AKR1E2: variants seen among roughly 807,000 people sequenced by gnomAD.
The protein encoded by AKR1E2 is 1,5-anhydro-D-fructose reductase.
Under a neutral mutation model 41.9 loss-of-function variants are expected in AKR1E2, and 43 were observed. The ratio of observed to expected loss-of-function variants is 1.03; its 90% confidence interval spans 0.80 to 1.32. AKR1E2 has a LOEUF of 1.32. Ranked by LOEUF, AKR1E2 falls within the 40% of genes most tolerant of loss-of-function variation. The probability of loss-of-function intolerance (pLI) is 0.00; values close to 1 mark genes in which losing one functional copy is unlikely to be tolerated. For synonymous variants in AKR1E2, 121 were observed against 138.9 expected (o/e 0.87, Z 0.91); for missense variants, 423 against 396.5 (o/e 1.07, Z -0.57).
At chr10:4,858,387 C>A in the AKR1E2 span, among the ~76,000 whole-genome samples, 1 of 152,212 alleles carries the variant, frequency 6.6e-6, no homozygotes, top group Non-Finnish European at 1.5e-5. Context: ...ATTGAGCCTA[C>A]AGCAGGCTGA....
chr10:4,871,906 T>C, the AKR1E2 span: 394 of 152,232 alleles, frequency 2.6e-3, 1 homozygote, highest in African/African-American at 8.9e-3. Context: ...TTTATATTCA[T>C]CAAGAAATGG....
chr10:4,862,292 C>A, the AKR1E2 span, among the ~76,000 whole-genome samples: 1 of 152,086 alleles, frequency 6.6e-6, no homozygotes, highest in African/African-American at 2.4e-5. Flanking sequence ...TGGTCTATAT[C>A]TCTGTTTTGG....
At chr10:4,841,280 C>G (rs1564270778) in intron 6 of AKR1E2, among the ~76,000 whole-genome samples, 1 of 152,172 alleles carries the variant, frequency 6.6e-6, no homozygotes, top group Non-Finnish European at 1.5e-5. Flanking sequence ...CCCACCCGTG[C>G]CTGAGCAGAG....
At chr10:4,864,546 G>A in the AKR1E2 span, among the ~76,000 whole-genome samples, 1 of 150,494 alleles carries the variant, frequency 6.6e-6, no homozygotes, top group Admixed American at 6.6e-5. Context: ...TTTGAAAACT[G>A]GCACAAGGCA....
chr10:4,853,921 G>A, the AKR1E2 span, among the ~76,000 whole-genome samples: 3 of 152,124 alleles, frequency 2.0e-5, no homozygotes, highest in Admixed American at 6.5e-5. Context: ...TCCCACCAGC[G>A]CCATGGCAAT....
intron 1 of AKR1E2, among the ~76,000 whole-genome samples, chr10:4,827,362 T>C (rs1281752032): frequency 7.1e-6 from 1 of 141,824 alleles, no homozygotes; most frequent in African/African-American, 2.5e-5. Flanking sequence ...ACATGTGTAG[T>C]AAATTATTGT....
the AKR1E2 span, among the ~76,000 whole-genome samples, chr10:4,864,573 C>T: frequency 7.0e-6 from 1 of 143,864 alleles, no homozygotes; most frequent in Admixed American, 6.8e-5. Context: ...CCCTCTCTCA[C>T]CACTCCTATT....
chr10:4,850,971 A>C (rs564244896), downstream of AKR1E2, among the ~76,000 whole-genome samples: 2 of 152,208 alleles, frequency 1.3e-5, no homozygotes, highest in Admixed American at 1.3e-4. Flanking sequence ...GTCTAAAACA[A>C]TGCTTCAAGC....
intron 2 of AKR1E2, 127 bp from the exon 3 acceptor site, chr10:4,833,223 T>G: frequency 2.7e-6 from 2 of 729,292 alleles, no homozygotes; most frequent in Non-Finnish European, 2.5e-6. Context: ...GAACTTGCCG[T>G]GTTGTATTTG....
chr10:4,830,927 G>C, intron 2 of AKR1E2, 85 bp downstream of exon 2: 1 of 1,512,332 alleles, frequency 6.6e-7, no homozygotes. Context: ...GGGAGTTGAT[G>C]ACTTTGTTTC....
the AKR1E2 span, among the ~76,000 whole-genome samples, chr10:4,864,352 A>C: frequency 1.3e-5 from 2 of 152,210 alleles, no homozygotes; most frequent in Non-Finnish European, 2.9e-5. Flanking sequence ...AGAATCGAAG[A>C]CAAAAACCAC....
intron 2 of AKR1E2, among the ~76,000 whole-genome samples, chr10:4,832,772 CCCTTGCTGTGATGGAG>C: frequency 6.6e-6 from 1 of 151,906 alleles, no homozygotes; most frequent in Admixed American, 6.5e-5. Context: ...TCATGTTTTT[CCCTTGCTGTGATGGAG>C]CCTTCAGGTT....
the AKR1E2 span, among the ~76,000 whole-genome samples, chr10:4,855,456 G>A: frequency 2.0e-5 from 3 of 152,280 alleles, no homozygotes; most frequent in East Asian, 5.8e-4. Context: ...AAAAAAACCG[G>A]ATGAGGTTTC....
chr10:4,850,235 A>G (rs1327718708), downstream of AKR1E2, among the ~76,000 whole-genome samples: 12 of 152,162 alleles, frequency 7.9e-5, no homozygotes, highest in Admixed American at 4.6e-4. Flanking sequence ...TGTGCCCTTA[A>G]GGGACCCTCT....
chr10:4,827,075 G>GAAAAA lies in AKR1E2; in HGVS notation c.39+726_39+730dup, dbSNP rs5782783. Among the ~76,000 whole-genome samples, 118 of 123,118 alleles carry GAAAAA rather than the reference G, an allele frequency of 9.6e-4. 1 individual carries two copies. The highest frequency in any genetic ancestry group is 3.1e-3 in the African/African-American group (102 of 32,506). The allele number at this position is 123,118 out of a possible 152,430, so 80.8% of individuals were successfully genotyped here. On this transcript the variant is annotated intron_variant, in intron 1 of 9. Coordinates refer to ENST00000298375, the MANE Select transcript of AKR1E2 (RefSeq NM_001040177.3). Reference sequence around the variant, plus strand: ...TTGGGGACAGAGCCAGACCTTGCTGGAAAAAAAAAAAAAAAAAAGAAAAAA... The same window carrying GAAAAA: ...TTGGGGACAGAGCCAGACCTTGCTGGAAAAAAAAAAAAAAAAAAAAAAAGAAAAAA...
At chr10:4,847,070 T>C in intron 8 of AKR1E2, 78 bp from the exon 9 acceptor site, 1 of 1,506,440 alleles carries the variant, frequency 6.6e-7, no homozygotes, top group Non-Finnish European at 9.2e-7. Context: ...GGTCTAGCAC[T>C]GTGCTATGTA....
At chr10:4,841,681 T>G (rs1833889040) in intron 6 of AKR1E2, 104 bp from the exon 7 acceptor site, 1 of 887,874 alleles carries the variant, frequency 1.1e-6, no homozygotes, top group African/African-American at 1.7e-5. Flanking sequence ...TGTGTCATGA[T>G]CAGAAAATAA....
chr10:4,841,667 G>A (rs112765066), intron 6 of AKR1E2, 118 bp from the exon 7 acceptor site: 11 of 711,106 alleles, frequency 1.5e-5, no homozygotes, highest in East Asian at 9.4e-5. Context: ...TCCTGTAGTC[G>A]GCATGTGTCA....
At chr10:4,861,586 C>T in the AKR1E2 span, among the ~76,000 whole-genome samples, 1 of 152,024 alleles carries the variant, frequency 6.6e-6, no homozygotes, top group Admixed American at 6.6e-5. Context: ...CCAGGCTGGT[C>T]TCAAACTCCT....
Sources: gnomAD v4.1 joint callset for allele counts (sites outside exome capture counted in the v4.1 genomes callset) on GRCh38, gnomAD v4.1.1 for gene constraint, MANE v1.5 for transcripts, NCBI Gene and HGNC (gene_info 2026-07-23, HGNC 2026-07-21) for gene names.